ETV1: variants seen among roughly 807,000 people sequenced by gnomAD.
ETV1 encodes the protein ETS variant transcription factor 1.
In ETV1, 27 loss-of-function variants were observed where a neutral mutation model predicts 62.3. The observed-to-expected ratio is 0.43, with a 90% confidence interval of 0.32 to 0.60. The LOEUF (loss-of-function observed/expected upper bound fraction) is 0.60. Ranked by LOEUF, ETV1 falls within the 20% of genes least tolerant of loss-of-function variation. ETV1 has a pLI of 0.06. For synonymous variants in ETV1, 222 were observed against 199.6 expected, an observed-to-expected ratio of 1.11 and a Z score of -0.94; for missense variants, 605 against 605.8, an observed-to-expected ratio of 1.00 and a Z score of 0.01.
intron 6 of ETV1, among the ~76,000 whole-genome samples, chr7:13,956,548 C>A (rs1260586254): frequency 6.6e-6 from 1 of 152,136 alleles, no homozygotes; most frequent in Admixed American, 6.5e-5. Flanking sequence ...GACTTGCTAA[C>A]TGCAAATAAG....
intron 7 of ETV1, among the ~76,000 whole-genome samples, chr7:13,938,417 T>G (rs1026850288): frequency 6.6e-6 from 1 of 152,246 alleles, no homozygotes; most frequent in Admixed American, 6.5e-5. Flanking sequence ...GCAAACTAAC[T>G]TCTTTTAAGA....
Position 13,924,919 on chromosome 7 carries a change from A to G in ETV1, c.802+6583T>C, listed in dbSNP as rs911245810. On this transcript the variant is annotated intron_variant, in intron 9 of 13. Coordinates refer to ENST00000430479, the MANE Select transcript of ETV1 (RefSeq NM_004956.5). ...CTTCCCAGTTTAAAATAGCACGAAC[A>G]ACATTTGCTGTCAAAGAGTTACGTG... 2.0e-5 allele frequency among the ~76,000 whole-genome samples: 3 copies of G among 149,246 alleles called. No individual in the cohort carries two copies. In the East Asian group the frequency reaches 5.9e-4, roughly 30 times the overall value.
chr7:13,974,069 T>C (rs2128496831), intron 6 of ETV1, among the ~76,000 whole-genome samples: 1 of 152,298 alleles, frequency 6.6e-6, no homozygotes, highest in African/African-American at 2.4e-5. Flanking sequence ...GTATCTAAAA[T>C]ACTATAATAC....
In ETV1 at chr7:13,896,743, G is replaced by GGAAAGAAAGAAAGAAAGAAAGAAAGAAA. The variant is rs10694579; in HGVS notation, c.1213-684_1213-657dup. 7.3e-4 allele frequency among the ~76,000 whole-genome samples: 84 copies of GGAAAGAAAGAAAGAAAGAAAGAAAGAAA among 115,380 alleles called. 1 individual carries two copies. The highest frequency in any genetic ancestry group is 3.8e-3 in the East Asian group (14 of 3,692). The allele number at this position is 115,380 out of a possible 152,430, so 75.7% of individuals were successfully genotyped here. A position where few individuals can be genotyped will look rare whatever the true frequency, so the allele number is the denominator to read the frequency against. On this transcript the variant is annotated intron_variant, in intron 13 of 13. Transcript: ENST00000430479. ...AGAAAGAAAAAGAAAAAGAAAGAAAGGAAAGAAAGAAAGAAAGAAAGAAAG... is the reference window on the plus strand; with the variant it reads ...AGAAAGAAAAAGAAAAAGAAAGAAAGGAAAGAAAGAAAGAAAGAAAGAAAGAAAGAAAGAAAGAAAGAAAGAAAGAAAG...
chr7:13,939,049 C>T lies in ETV1; in HGVS notation c.365+68G>A, dbSNP rs535855512. ...ACTCATAAAATATGACTTGAGATTTCATATTATTCTGGACTTTTTGATTCA... is the reference window on the plus strand; with the variant it reads ...ACTCATAAAATATGACTTGAGATTTTATATTATTCTGGACTTTTTGATTCA... On this transcript the variant is annotated intron_variant, in intron 7 of 13. Coordinates refer to ENST00000430479, the MANE Select transcript of ETV1 (RefSeq NM_004956.5). 16 of 1,464,310 alleles carry T rather than the reference C, an allele frequency of 1.1e-5. No individual in the cohort carries two copies. In the East Asian group the frequency reaches 3.5e-4, roughly 32 times the overall value. The allele number at this position is 1,464,310 out of a possible 1,614,324, so 90.7% of individuals were successfully genotyped here. A position where few individuals can be genotyped will look rare whatever the true frequency, so the allele number is the denominator to read the frequency against.
At chr7:13,990,932 T>C (rs182166206), upstream of ETV1, among the ~76,000 whole-genome samples, 2 of 152,222 alleles carry the variant, frequency 1.3e-5, no homozygotes, top group East Asian at 1.9e-4. Context: ...TGGAGACACA[T>C]TAAAATGGAG....
chr7:13,919,160 C>T (rs934229439), intron 9 of ETV1, among the ~76,000 whole-genome samples: 3 of 152,054 alleles, frequency 2.0e-5, no homozygotes, highest in African/African-American at 7.2e-5. Flanking sequence ...ACCATATTTA[C>T]CCGTTACAAA....
intron 6 of ETV1, among the ~76,000 whole-genome samples, chr7:13,949,206 G>A (rs747336011): frequency 5.0e-4 from 76 of 152,000 alleles, no homozygotes; most frequent in Admixed American, 7.9e-4. Context: ...AGAAGTAAAT[G>A]GTATACATAA....
Position 13,892,441 on chromosome 7 carries a change from G to T in ETV1, c.*3425C>A, listed in dbSNP as rs1447867005. 9 of 232,612 alleles carry T rather than the reference G, an allele frequency of 3.9e-5. No homozygotes were observed. In the Admixed American group the frequency reaches 4.5e-4, roughly 12 times the overall value. 14.4% of individuals were successfully genotyped at this position (232,612 alleles called of 1,614,324 possible). On this transcript the variant is annotated 3_prime_UTR_variant, in exon 14 of 14. Transcript: ENST00000430479. Reference sequence around the variant, plus strand: ...CAGTGGTAAATAAAAGCAAACTCTAGTACTTTCAAATCCTAGATCCCTCAG... The same window carrying T: ...CAGTGGTAAATAAAAGCAAACTCTATTACTTTCAAATCCTAGATCCCTCAG...
intron 9 of ETV1, among the ~76,000 whole-genome samples, chr7:13,930,460 T>C (rs868270646): frequency 4.6e-5 from 7 of 152,060 alleles, no homozygotes; most frequent in South Asian, 2.1e-4. Context: ...TAGCTGGGAC[T>C]ACAGGCACGT....
At chr7:13,978,868 AC>A (rs1282472127) in intron 5 of ETV1, among the ~76,000 whole-genome samples, 1 of 152,080 alleles carries the variant, frequency 6.6e-6, no homozygotes, top group African/African-American at 2.4e-5. Context: ...TGTTATAAAA[AC>A]GTATGCAGTT....
At chr7:13,915,829 A>G (rs1784095407) in intron 9 of ETV1, among the ~76,000 whole-genome samples, 1 of 152,186 alleles carries the variant, frequency 6.6e-6, no homozygotes. Flanking sequence ...ATCTTCCAAA[A>G]TAAGGACATA....
chr7:13,898,877 T>C (rs1782111597), intron 13 of ETV1, among the ~76,000 whole-genome samples: 1 of 152,204 alleles, frequency 6.6e-6, no homozygotes, highest in African/African-American at 2.4e-5. Context: ...TGCAAACCTG[T>C]AGTTCCAGCT....
intron 7 of ETV1, among the ~76,000 whole-genome samples, chr7:13,938,585 C>A (rs535915036): frequency 3.3e-5 from 5 of 152,156 alleles, no homozygotes; most frequent in Non-Finnish European, 7.4e-5. Flanking sequence ...AATAAATGAA[C>A]AATGCACTTT....
intron 6 of ETV1, among the ~76,000 whole-genome samples, chr7:13,956,538 G>A (rs79782775): frequency 0.039 from 5,922 of 152,138 alleles, 308 homozygotes; most frequent in African/African-American, 0.12. Context: ...TTTTTACTTT[G>A]ACTTGCTAAC....
chr7:13,983,981 T>C (rs1315837359), intron 5 of ETV1, among the ~76,000 whole-genome samples: 1 of 151,862 alleles, frequency 6.6e-6, no homozygotes, highest in Non-Finnish European at 1.5e-5. Flanking sequence ...AATCCATATG[T>C]TGCATTTGGG....
chr7:13,920,544 G>A (rs904231950), intron 9 of ETV1, among the ~76,000 whole-genome samples: 6 of 152,096 alleles, frequency 3.9e-5, no homozygotes, highest in Non-Finnish European at 7.4e-5. Context: ...AATGCTTACA[G>A]GGCTCTGCCC....
chr7:13,920,803 T>C (rs1383887239), intron 9 of ETV1, among the ~76,000 whole-genome samples: 1 of 152,196 alleles, frequency 6.6e-6, no homozygotes, highest in Non-Finnish European at 1.5e-5. Context: ...AGTACTGATT[T>C]GGGAGATTTG....
intron 9 of ETV1, among the ~76,000 whole-genome samples, chr7:13,921,196 G>A (rs1449737094): frequency 6.6e-6 from 1 of 152,152 alleles, no homozygotes; most frequent in East Asian, 1.9e-4. Context: ...GTAGCCATAA[G>A]CAAGTGATGT....
Sources: gnomAD v4.1 joint callset for allele counts (sites outside exome capture counted in the v4.1 genomes callset) on GRCh38, gnomAD v4.1.1 for gene constraint, MANE v1.5 for transcripts, NCBI Gene and HGNC (gene_info 2026-07-23, HGNC 2026-07-21) for gene names.